The following ADCY2 variants were observed in gnomAD, a reference collection of about 807,000 sequenced individuals.
The protein encoded by ADCY2 is adenylate cyclase 2, also known as adenylate cyclase type 2.
Under a neutral mutation model 125.2 loss-of-function variants are expected in ADCY2, and 31 were observed. That is an observed-to-expected ratio of 0.25 (90% CI 0.19 to 0.33). The LOEUF (loss-of-function observed/expected upper bound fraction) is 0.33, where lower values mean the gene tolerates loss of function less well. Ranked by LOEUF, ADCY2 falls within the 10% of genes least tolerant of loss-of-function variation. The probability of loss-of-function intolerance (pLI) is 1.00; values close to 1 mark genes in which losing one functional copy is unlikely to be tolerated. For synonymous variants in ADCY2, 512 were observed against 548.4 expected, an observed-to-expected ratio of 0.93 and a Z score of 0.93; for missense variants, 904 against 1,418.2, an observed-to-expected ratio of 0.64 and a Z score of 5.82.
At chr5:7,399,063 T>G (rs1396918578) in intron 1 of ADCY2, among the ~76,000 whole-genome samples, 1 of 152,228 alleles carries the variant, frequency 6.6e-6, no homozygotes, top group African/African-American at 2.4e-5. Flanking sequence ...GAATGGCTGC[T>G]TTGGGACCCT....
chr5:7,675,943 G>A (rs1740113303), intron 4 of ADCY2, among the ~76,000 whole-genome samples: 1 of 152,200 alleles, frequency 6.6e-6, no homozygotes, highest in Non-Finnish European at 1.5e-5. Flanking sequence ...TCCCGATAAA[G>A]AACATTTAGC....
intron 16 of ADCY2, among the ~76,000 whole-genome samples, chr5:7,758,922 A>G (rs1039572022): frequency 7.2e-5 from 11 of 152,164 alleles, no homozygotes; most frequent in African/African-American, 2.4e-4. Context: ...AGGACCTTGA[A>G]TGTTTACATG....
chr5:7,428,181 A>T (rs996659298), intron 2 of ADCY2, among the ~76,000 whole-genome samples: 1 of 152,210 alleles, frequency 6.6e-6, no homozygotes, highest in Admixed American at 6.5e-5. Context: ...AGATCTGAGG[A>T]CCACTTACAT....
chr5:7,411,185 G>T (rs1739703041), intron 1 of ADCY2, among the ~76,000 whole-genome samples: 1 of 152,140 alleles, frequency 6.6e-6, no homozygotes, highest in African/African-American at 2.4e-5. Context: ...TCTCTTCCTT[G>T]AAGAGTCTCT....
Position 7,727,209 on chromosome 5 carries a change from G to A in ADCY2, c.1819G>A (p.Ala607Thr), listed in dbSNP as rs1741960258. The A allele has an allele frequency of 2.5e-6, 4 of 1,614,044 alleles. No homozygotes were observed. The highest frequency in any genetic ancestry group is 3.4e-6 in the Non-Finnish European group (4 of 1,180,016). The change falls in exon 14 of 25, where the codon GCC (alanine) becomes ACC (threonine). Residue 607 changes from alanine to threonine, a missense_variant. Coordinates refer to ENST00000338316, the MANE Select transcript of ADCY2 (RefSeq NM_020546.3). ...AGCGTTCAAGTATTATGTGACTTGT[G>A]CCTGTCTCATATTCTTCTGCATCTT... ...LPAFKYYVTC[A>T]CLIFFCIFIV...
chr5:7,786,828 CA>C (rs1018779019), intron 19 of ADCY2, among the ~76,000 whole-genome samples: 10 of 152,178 alleles, frequency 6.6e-5, no homozygotes, highest in African/African-American at 2.4e-4. Flanking sequence ...ACAGGGTCAC[CA>C]ACTGCCCTGT....
At chr5:7,763,940 G>T (rs1579407623) in intron 16 of ADCY2, among the ~76,000 whole-genome samples, 3 of 152,240 alleles carry the variant, frequency 2.0e-5, no homozygotes, top group African/African-American at 7.2e-5. Flanking sequence ...GGATGGGCTG[G>T]TTCATCCCGA....
intron 18 of ADCY2, among the ~76,000 whole-genome samples, chr5:7,783,633 A>G (rs1743990034): frequency 6.6e-6 from 1 of 152,166 alleles, no homozygotes; most frequent in East Asian, 1.9e-4. Context: ...CGTGGTGTCC[A>G]TGCACCATCC....
At chr5:7,730,852 T>C (rs1374414717) in intron 14 of ADCY2, among the ~76,000 whole-genome samples, 1 of 151,904 alleles carries the variant, frequency 6.6e-6, no homozygotes, top group Non-Finnish European at 1.5e-5. Context: ...ATTTTCACTA[T>C]ATTGTTTCCA....
chr5:7,757,698 T>A, intron 16 of ADCY2, 112 bp downstream of exon 16: 7 of 1,397,270 alleles, frequency 5.0e-6, no homozygotes, highest in Non-Finnish European at 5.6e-6. Flanking sequence ...CCCCACACCA[T>A]AGCTGTGTTC....
At chr5:7,580,790 A>G (rs35757031) in intron 3 of ADCY2, among the ~76,000 whole-genome samples, 94,858 of 152,100 alleles carry the variant, frequency 0.62, 30,329 homozygotes, top group Non-Finnish European at 0.69. Flanking sequence ...GTCATGGTCA[A>G]ATTGGTGCAA....
intron 2 of ADCY2, among the ~76,000 whole-genome samples, chr5:7,494,674 G>A (rs1465487536): frequency 6.6e-6 from 1 of 152,124 alleles, no homozygotes; most frequent in Non-Finnish European, 1.5e-5. Flanking sequence ...GGTTACGGAG[G>A]CAGAGACTCT....
At chr5:7,428,074 C>T (rs1740452661) in intron 2 of ADCY2, among the ~76,000 whole-genome samples, 1 of 152,194 alleles carries the variant, frequency 6.6e-6, no homozygotes. Flanking sequence ...GGGAGCTGGG[C>T]CTGTCTGCTA....
At chr5:7,464,680 T>C (rs2126445201) in intron 2 of ADCY2, among the ~76,000 whole-genome samples, 1 of 152,224 alleles carries the variant, frequency 6.6e-6, no homozygotes, top group East Asian at 1.9e-4. Context: ...AAGTAGCTGA[T>C]TGAACATTGG....
At chr5:7,412,153 GC>G (rs1739748942) in intron 1 of ADCY2, among the ~76,000 whole-genome samples, 2 of 151,836 alleles carry the variant, frequency 1.3e-5, no homozygotes, top group Non-Finnish European at 2.9e-5. Flanking sequence ...GACTATATCA[GC>G]ATCTTCTTGT....
intron 20 of ADCY2, among the ~76,000 whole-genome samples, chr5:7,791,749 G>T (rs928208020): frequency 6.6e-6 from 1 of 152,142 alleles, no homozygotes; most frequent in Non-Finnish European, 1.5e-5. Context: ...CTGTAGCCAG[G>T]CTGGTGGTGG....
chr5:7,442,823 C>G (rs1561027972), intron 2 of ADCY2, among the ~76,000 whole-genome samples: 2 of 152,112 alleles, frequency 1.3e-5, no homozygotes, highest in Admixed American at 1.3e-4. Context: ...AATCTGTGCC[C>G]TATTACTCGG....
intron 22 of ADCY2, among the ~76,000 whole-genome samples, chr5:7,814,795 C>T (rs1277171607): frequency 2.6e-5 from 4 of 152,190 alleles, no homozygotes; most frequent in Non-Finnish European, 5.9e-5. Context: ...GCAGGTGGCT[C>T]CTCTTTGTCC....
intron 4 of ADCY2, among the ~76,000 whole-genome samples, chr5:7,626,937 A>G (rs1738150910): frequency 6.6e-6 from 1 of 152,184 alleles, no homozygotes; most frequent in African/African-American, 2.4e-5. Flanking sequence ...CAGCCTTCAG[A>G]CCAAGGGACC....
Sources: gnomAD v4.1 joint callset for allele counts (sites outside exome capture counted in the v4.1 genomes callset) on GRCh38, gnomAD v4.1.1 for gene constraint, MANE v1.5 for transcripts, NCBI Gene and HGNC (gene_info 2026-07-23, HGNC 2026-07-21) for gene names.